The following SV2C variants were observed in gnomAD, a reference collection of about 807,000 sequenced individuals.
The protein encoded by SV2C is solute carrier family 22 member B3.
SV2C carries 49 observed loss-of-function variants against 79.7 expected under a neutral mutation model. That is an observed-to-expected ratio of 0.61 (90% CI 0.49 to 0.78). The LOEUF (loss-of-function observed/expected upper bound fraction) is 0.78, where lower values mean the gene tolerates loss of function less well. Ranked by LOEUF, SV2C falls within the 30% of genes least tolerant of loss-of-function variation. The pLI is 0.00. For missense variants in SV2C, 833 were observed against 912.9 expected (o/e 0.91, Z 1.13); for synonymous variants, 334 against 333.2 (o/e 1.00, Z -0.03).
Position 76,101,950 on chromosome 5 carries a change from G to A in SV2C, c.-102+18438G>A, listed in dbSNP as rs974540955. Among the ~76,000 whole-genome samples, 4 of 152,106 alleles carry A rather than the reference G, an allele frequency of 2.6e-5. 1 individual carries two copies. The highest frequency in any genetic ancestry group is 1.3e-4 in the Admixed American group (2 of 15,268). ...CCCAACACATGCTGCTGTGCTGCTG[G>A]GCACTTGATATTTAGTTTTTATCAC... On this transcript the variant is annotated intron_variant, in intron 1 of 12. Transcript: ENST00000502798.
rs1474739070 is a variant in SV2C, at chr5:76,325,587, C to T, written c.*40C>T. On this transcript the variant is annotated 3_prime_UTR_variant, in exon 13 of 13. Coordinates refer to ENST00000502798, the MANE Select transcript of SV2C (RefSeq NM_014979.4). ...ATCCTTCCTGCGTTTCTTCCTCCTG[C>T]CCTGGGTCAATTCTCCTTCCTGACT... The T allele has an allele frequency of 4.4e-6, 7 of 1,605,040 alleles. No homozygotes were observed. Among genetic ancestry groups the T allele is most frequent in the South Asian group, 1.1e-5 (1 of 89,900 alleles).
At chr5:76,176,838 C>T (rs184014382) in intron 2 of SV2C, among the ~76,000 whole-genome samples, 9 of 152,150 alleles carry the variant, frequency 5.9e-5, no homozygotes, top group African/African-American at 2.2e-4. Flanking sequence ...AAGTAGAGGC[C>T]GGCAAGGTGG....
chr5:76,155,046 T>C (rs954749826), intron 2 of SV2C, among the ~76,000 whole-genome samples: 1 of 152,176 alleles, frequency 6.6e-6, no homozygotes, highest in African/African-American at 2.4e-5. Context: ...AGAGAAATAG[T>C]CATTATGCAT....
At position 76,317,012 on chromosome 5, in the gene SV2C, A is replaced by G. The variant is rs531753188; in HGVS notation, c.2001-8352A>G. 1.1e-4 allele frequency among the ~76,000 whole-genome samples: 17 copies of G among 152,052 alleles called. No homozygotes were observed. The South Asian group carries it at 2.3e-3, about 20-fold the overall frequency. On this transcript the variant is annotated intron_variant, in intron 12 of 12. Coordinates refer to ENST00000502798, the MANE Select transcript of SV2C (RefSeq NM_014979.4). The stretch of plus-strand genomic sequence containing the variant: ...TAGTGCAGTGTTTGACACTTAGCAG[A>G]TATTTAATGAATGATTATATGAATA...
At chr5:76,177,136 A>G (rs6414968) in intron 2 of SV2C, among the ~76,000 whole-genome samples, 101,369 of 146,956 alleles carry the variant, frequency 0.69, 36,116 homozygotes, top group East Asian at 0.97. Context: ...AACAAAAAAC[A>G]GAAAGTACAG....
chr5:76,270,980 G>A (rs746718032), intron 4 of SV2C, among the ~76,000 whole-genome samples: 3 of 152,084 alleles, frequency 2.0e-5, no homozygotes, highest in South Asian at 2.1e-4. Flanking sequence ...TGTTGGCCAC[G>A]CTGATCTCGA....
chr5:76,161,246 A>G (rs1221061815), intron 2 of SV2C, among the ~76,000 whole-genome samples: 1 of 152,166 alleles, frequency 6.6e-6, no homozygotes, highest in Non-Finnish European at 1.5e-5. Context: ...ATGTTATGCT[A>G]AGGGAAGGAA....
At chr5:76,261,842 T>A (rs1160153444) in intron 4 of SV2C, among the ~76,000 whole-genome samples, 1 of 152,232 alleles carries the variant, frequency 6.6e-6, no homozygotes, top group African/African-American at 2.4e-5. Flanking sequence ...GGATTTGGTT[T>A]GACAGTATTT....
intron 3 of SV2C, among the ~76,000 whole-genome samples, chr5:76,201,723 A>AATTGAGGC (rs1269215253): frequency 6.6e-6 from 1 of 152,172 alleles, no homozygotes; most frequent in Non-Finnish European, 1.5e-5. Context: ...TTTATTAGAA[A>AATTGAGGC]ATTGAGGCAC....
At chr5:76,158,125 AGAG>A (rs1478845390) in intron 2 of SV2C, among the ~76,000 whole-genome samples, 4 of 151,930 alleles carry the variant, frequency 2.6e-5, no homozygotes, top group Admixed American at 1.3e-4. Flanking sequence ...AAGGTGGAAT[AGAG>A]GAGAAGACAA....
chr5:76,020,650 A>G, the SV2C span, among the ~76,000 whole-genome samples: 1 of 152,126 alleles, frequency 6.6e-6, no homozygotes, highest in Non-Finnish European at 1.5e-5. Flanking sequence ...GAGTGTGACT[A>G]CGAAACAAGC....
intron 8 of SV2C, 152 bp from the exon 9 acceptor site, chr5:76,295,626 A>C: frequency 3.1e-6 from 2 of 639,668 alleles, no homozygotes; most frequent in Non-Finnish European, 5.0e-6. Flanking sequence ...GGGGAGAGGG[A>C]CACATGGATT....
At chr5:76,197,477 A>G (rs183939245) in intron 3 of SV2C, among the ~76,000 whole-genome samples, 280 of 152,262 alleles carry the variant, frequency 1.8e-3, no homozygotes, top group Middle Eastern at 0.01. Flanking sequence ...GTTAATCTCT[A>G]TAATAAATGG....
the SV2C span, among the ~76,000 whole-genome samples, chr5:75,932,237 A>G: frequency 6.6e-6 from 1 of 152,098 alleles, no homozygotes; most frequent in Non-Finnish European, 1.5e-5. Context: ...TCATCTTGGG[A>G]GTATAAAGGC....
At chr5:75,903,917 T>C in the SV2C span, among the ~76,000 whole-genome samples, 1 of 152,226 alleles carries the variant, frequency 6.6e-6, no homozygotes, top group Non-Finnish European at 1.5e-5. Context: ...TAAAATTTTG[T>C]TTACAACTCA....
intron 2 of SV2C, among the ~76,000 whole-genome samples, chr5:76,145,642 A>G (rs1749397072): frequency 6.6e-6 from 1 of 152,168 alleles, no homozygotes; most frequent in African/African-American, 2.4e-5. Flanking sequence ...ATGGCACCAA[A>G]GAGGAGACAG....
chr5:76,339,713 C>CAA (rs536302675), intron 12 of SV2C, among the ~76,000 whole-genome samples: 13 of 77,832 alleles, frequency 1.7e-4, no homozygotes, highest in Non-Finnish European at 3.0e-4. Context: ...GACTCTGTCT[C>CAA]AAAAAAAAAA....
chr5:76,073,544 T>TACAC, the SV2C span, among the ~76,000 whole-genome samples: 5 of 121,092 alleles, frequency 4.1e-5, no homozygotes, highest in Non-Finnish European at 6.8e-5. Flanking sequence ...TATATATATA[T>TACAC]ACACCATGGA....
intron 4 of SV2C, among the ~76,000 whole-genome samples, chr5:76,268,285 G>C (rs891171401): frequency 8.5e-5 from 13 of 152,198 alleles, no homozygotes; most frequent in Non-Finnish European, 1.8e-4. Flanking sequence ...TGAGAGGTGA[G>C]TTGTGATGGT....
Sources: gnomAD v4.1 joint callset for allele counts (sites outside exome capture counted in the v4.1 genomes callset) on GRCh38, gnomAD v4.1.1 for gene constraint, MANE v1.5 for transcripts, NCBI Gene and HGNC (gene_info 2026-07-23, HGNC 2026-07-21) for gene names.